RBFOX1: variants seen among roughly 807,000 people sequenced by gnomAD.
The protein encoded by RBFOX1 is RNA binding protein fox-1 homolog 1.
A neutral mutation model predicts 57.7 loss-of-function variants in RBFOX1; 8 were observed. The ratio of observed to expected loss-of-function variants is 0.14; its 90% CI spans 0.08 to 0.25. The LOEUF (loss-of-function observed/expected upper bound fraction) is 0.25, where lower values mean the gene tolerates loss of function less well. RBFOX1 is among the 10% of genes least tolerant of loss of function. The pLI is 1.00. For missense variants in RBFOX1, 611 were observed against 548.5 expected (o/e 1.11, Z -1.14); for synonymous variants, 326 against 222.4 (o/e 1.47, Z -4.15).
At chr16:5,259,568 T>G (rs7350881) in intron 1 of RBFOX1, among the ~76,000 whole-genome samples, 52,666 of 152,110 alleles carry the variant, frequency 0.35, 9,202 homozygotes, top group African/African-American at 0.39. Flanking sequence ...CAGTGGGTGC[T>G]CAGTGGAACA....
Position 5,494,283 on chromosome 16 carries a change from C to T in RBFOX1, c.258+27029C>T, listed in dbSNP as rs142887389. The stretch of plus-strand genomic sequence containing the variant: ...CTAGACATTCGGATTCCAGTCTTGC[C>T]TCTAGAATCTGCAGCGTATGTGACC... On this transcript the variant is annotated intron_variant, in intron 2 of 2. Coordinates refer to the RBFOX1 transcript ENST00000585867. 2.6e-5 allele frequency among the ~76,000 whole-genome samples: 4 copies of T among 152,318 alleles called. No individual in the cohort carries two copies. The East Asian group carries it at 7.7e-4, about 29-fold the overall frequency.
chr16:7,708,654 G>C (rs570441320), intron 14 of RBFOX1, among the ~76,000 whole-genome samples: 4 of 152,252 alleles, frequency 2.6e-5, no homozygotes, highest in South Asian at 4.1e-4. Flanking sequence ...GGTGACAGCT[G>C]AATCAGGAGA....
chr16:7,109,603 C>G (rs530989030), intron 4 of RBFOX1, among the ~76,000 whole-genome samples: 7 of 152,222 alleles, frequency 4.6e-5, no homozygotes, highest in South Asian at 4.2e-4. Context: ...CCAGGGATCA[C>G]AAGCCCAGTT....
intron 4 of RBFOX1, among the ~76,000 whole-genome samples, chr16:5,990,728 A>T (rs1328094457): frequency 1.3e-5 from 2 of 152,186 alleles, no homozygotes; most frequent in South Asian, 4.1e-4. Context: ...AACACTTCAG[A>T]AGGCTGAGGC....
intron 14 of RBFOX1, among the ~76,000 whole-genome samples, chr16:7,683,934 A>T (rs978912340): frequency 3.3e-5 from 5 of 152,148 alleles, no homozygotes; most frequent in Non-Finnish European, 5.9e-5. Flanking sequence ...TGGCAATAAA[A>T]ATTAAACCGC....
At chr16:6,344,793 C>G (rs2085114287) in intron 2 of RBFOX1, among the ~76,000 whole-genome samples, 1 of 145,350 alleles carries the variant, frequency 6.9e-6, no homozygotes, top group African/African-American at 2.6e-5. Context: ...TGGGTTCAAG[C>G]GATTCTCCTG....
chr16:5,389,279 C>G (rs185570389), intron 1 of RBFOX1, among the ~76,000 whole-genome samples: 37 of 152,240 alleles, frequency 2.4e-4, no homozygotes, highest in African/African-American at 8.7e-4. Context: ...AGTGGAAATC[C>G]TCGTTCTCAG....
At chr16:6,144,459 T>C (rs1201340391) in intron 1 of RBFOX1, among the ~76,000 whole-genome samples, 2 of 152,226 alleles carry the variant, frequency 1.3e-5, no homozygotes, top group South Asian at 4.1e-4. Flanking sequence ...TTCAGTCTTC[T>C]GTCAGGCTTT....
chr16:7,230,556 G>T (rs938760807), intron 4 of RBFOX1, among the ~76,000 whole-genome samples: 2 of 152,156 alleles, frequency 1.3e-5, no homozygotes, highest in African/African-American at 2.4e-5. Flanking sequence ...GTCAATGAAG[G>T]AAAGGAAAGG....
chr16:5,939,876 G>T (rs1213689505), intron 4 of RBFOX1, among the ~76,000 whole-genome samples: 2 of 152,190 alleles, frequency 1.3e-5, no homozygotes, highest in African/African-American at 4.8e-5. Flanking sequence ...TGACAGTGTG[G>T]TGGGATGAAA....
At chr16:7,203,778 C>G (rs185738133) in intron 4 of RBFOX1, among the ~76,000 whole-genome samples, 14 of 152,298 alleles carry the variant, frequency 9.2e-5, no homozygotes, top group African/African-American at 3.4e-4. Flanking sequence ...CTCCTCATAA[C>G]CCACCAAGCA....
intron 4 of RBFOX1, among the ~76,000 whole-genome samples, chr16:7,494,482 C>G (rs758725805): frequency 8.5e-5 from 13 of 152,130 alleles, no homozygotes; most frequent in Non-Finnish European, 1.3e-4. Flanking sequence ...GAAAATTTTC[C>G]TAACCCCCTG....
At chr16:7,197,998 C>CTTTCTTTCTTTCTTT (rs61556349) in intron 4 of RBFOX1, among the ~76,000 whole-genome samples, 3 of 55,592 alleles carry the variant, frequency 5.4e-5, no homozygotes, top group Non-Finnish European at 9.6e-5. Context: ...TTCTTTCTTT[C>CTTTCTTTCTTTCTTT]TTTTTTTTTT....
rs192751609 is a variant in RBFOX1 at position 6,899,743 on chromosome 16, C to T, written c.-15-152314C>T. Among the ~76,000 whole-genome samples the T allele has an allele frequency of 2.4e-4, 36 of 152,320 alleles. 1 individual carries two copies. The highest frequency in any genetic ancestry group is 8.8e-5 in the Non-Finnish European group (6 of 68,036). ...GCATGATGGTTTCATCTTGTGCTGT[C>T]CCTCAACATTTACATGAATGAAGTA... is the stretch of plus-strand genomic sequence containing the variant. On this transcript the variant is annotated intron_variant, in intron 3 of 15. Transcript: ENST00000550418.
intron 3 of RBFOX1, among the ~76,000 whole-genome samples, chr16:5,834,687 G>GTAGT (rs1555541440): frequency 3.0e-5 from 4 of 134,802 alleles, no homozygotes; most frequent in Non-Finnish European, 6.1e-5. Flanking sequence ...AATGGGATAG[G>GTAGT]TAGATAGATA....
rs60318595 is a variant in RBFOX1 at position 6,457,438 on chromosome 16, T to TCCCCCC, written c.-64+140386_-64+140391dup. Among the ~76,000 whole-genome samples the TCCCCCC allele has an allele frequency of 7.4e-5, 4 of 54,286 alleles. 1 individual carries two copies. Among genetic ancestry groups the TCCCCCC allele is most frequent in the Non-Finnish European group, 1.5e-4 (4 of 25,916 alleles). 35.6% of individuals were successfully genotyped at this position (54,286 alleles called of 152,430 possible). A position where few individuals can be genotyped will look rare whatever the true frequency, so the allele number is the denominator to read the frequency against. ...TCTGGTGACTGTGAATTTCCGGAAG[T>TCCCCCC]CCCCCCCCCCGCAATAGCTTTGATT... On this transcript the variant is annotated intron_variant, in intron 2 of 15. Coordinates refer to ENST00000550418, the MANE Select transcript of RBFOX1 (RefSeq NM_018723.4).
At chr16:5,466,460 AT>A (rs2068956659) in intron 1 of RBFOX1, among the ~76,000 whole-genome samples, 1 of 151,980 alleles carries the variant, frequency 6.6e-6, no homozygotes. Flanking sequence ...CAGAGGGGGT[AT>A]TTCAACTCCT....
chr16:6,492,116 A>ACG (rs2095645587), intron 2 of RBFOX1, among the ~76,000 whole-genome samples: 2 of 98,316 alleles, frequency 2.0e-5, no homozygotes, highest in African/African-American at 7.2e-5. Context: ...AAGTATATGA[A>ACG]AGTGTGTGTG....
chr16:5,802,263 C>G lies in RBFOX1; in HGVS notation c.319-65040C>G, dbSNP rs1286883889. 2.0e-5 allele frequency among the ~76,000 whole-genome samples: 3 copies of G among 152,214 alleles called. No individual in the cohort carries two copies. The South Asian group carries it at 6.2e-4, about 32-fold the overall frequency. On this transcript the variant is annotated intron_variant, in intron 3 of 19. Coordinates refer to the RBFOX1 transcript ENST00000641259. ...ATTGAAGCTGTTCGTTTGGAAAGTC[C>G]TTTTCTTCCTCTTCTCCCCCTTTAG...
Sources: gnomAD v4.1 joint callset for allele counts (sites outside exome capture counted in the v4.1 genomes callset) on GRCh38, gnomAD v4.1.1 for gene constraint, MANE v1.5 for transcripts, NCBI Gene and HGNC (gene_info 2026-07-23, HGNC 2026-07-21) for gene names.